The following ZNF652 variants were observed in gnomAD, a reference collection of about 807,000 sequenced individuals.
ZNF652 encodes the protein zinc finger protein 652.
In ZNF652, 16 loss-of-function variants were observed where a neutral mutation model predicts 45.2. The ratio of observed to expected loss-of-function variants is 0.35; its 90% CI spans 0.24 to 0.54. ZNF652 has a LOEUF of 0.54. ZNF652 is among the 20% of genes least tolerant of loss of function. ZNF652 has a pLI of 0.91. For synonymous variants in ZNF652, 250 were observed against 260.6 expected, an observed-to-expected ratio of 0.96 and a Z score of 0.39; for missense variants, 614 against 765.6, an observed-to-expected ratio of 0.80 and a Z score of 2.34.
chr17:49,361,004 G>A (rs748855358), intron 1 of ZNF652, among the ~76,000 whole-genome samples: 9 of 152,176 alleles, frequency 5.9e-5, no homozygotes, highest in Non-Finnish European at 1.0e-4. Flanking sequence ...CCCCGAAAAC[G>A]TGGATGTGGA....
At chr17:49,337,294 C>T (rs1260827543) in intron 1 of ZNF652, among the ~76,000 whole-genome samples, 1 of 148,744 alleles carries the variant, frequency 6.7e-6, no homozygotes, top group Admixed American at 6.8e-5. Context: ...TATGATCATG[C>T]TGCTGCCCTC....
chr17:49,308,047 A>C lies in ZNF652; in HGVS notation c.1309+3265T>G, dbSNP rs149365231. ...AAAGTATTGGTCTATATGTGTGTTA[A>C]GAAACTGAAGAATTTTTTTTAATGT... On this transcript the variant is annotated intron_variant, in intron 5 of 5. Transcript: ENST00000430262. Among the ~76,000 whole-genome samples, 24 of 152,330 alleles carry C rather than the reference A, an allele frequency of 1.6e-4. No homozygotes were observed. In the East Asian group the frequency reaches 4.6e-3, roughly 29 times the overall value.
Position 49,297,434 on chromosome 17 carries a change from G to A in ZNF652, c.*979C>T, listed in dbSNP as rs2069490885. 1 of 152,342 alleles carries A rather than the reference G, an allele frequency of 6.6e-6. No individual in the cohort carries two copies. The highest frequency in any genetic ancestry group is 2.1e-4 in the South Asian group (1 of 4,824). The allele number at this position is 152,342 out of a possible 1,614,324, so 9.4% of individuals were successfully genotyped here. ...GCTTTAGGTGACTTCCCTGGAAAAG[G>A]CCCCATCCCCTGCAAATCATTTCAT... On this transcript the variant is annotated 3_prime_UTR_variant, in exon 6 of 6. Coordinates refer to ENST00000430262, the MANE Select transcript of ZNF652 (RefSeq NM_001145365.3).
At chr17:49,339,823 T>C (rs1045021829) in intron 1 of ZNF652, among the ~76,000 whole-genome samples, 1 of 152,212 alleles carries the variant, frequency 6.6e-6, no homozygotes, top group Non-Finnish European at 1.5e-5. Flanking sequence ...CGAAGGCCGA[T>C]GTAAAAGCCA....
At chr17:49,302,718 T>G (rs1259450688) in intron 5 of ZNF652, among the ~76,000 whole-genome samples, 2 of 152,080 alleles carry the variant, frequency 1.3e-5, no homozygotes, top group African/African-American at 2.4e-5. Flanking sequence ...TCCCAGCACT[T>G]TAGGAGGCTG....
chr17:49,326,295 C>T (rs1244620054), intron 1 of ZNF652, among the ~76,000 whole-genome samples: 1 of 149,244 alleles, frequency 6.7e-6, no homozygotes, highest in Non-Finnish European at 1.5e-5. Flanking sequence ...GTGGATGTGG[C>T]TAGAGAACCT....
chr17:49,330,302 T>C (rs1335699231), intron 1 of ZNF652, among the ~76,000 whole-genome samples: 1 of 152,112 alleles, frequency 6.6e-6, no homozygotes, highest in Non-Finnish European at 1.5e-5. Context: ...TGGGCTATAT[T>C]ATTATTTTGA....
Position 49,296,009 on chromosome 17 carries a change from T to C in ZNF652, c.*2404A>G, listed in dbSNP as rs1405527918. ...ATTAACTAAGCACAGTTTACATCTT[T>C]TAAAAAAATCATTTTAATACTACAG... On this transcript the variant is annotated 3_prime_UTR_variant, in exon 6 of 6. Coordinates refer to ENST00000430262, the MANE Select transcript of ZNF652 (RefSeq NM_001145365.3). The C allele has an allele frequency of 6.7e-6, 1 of 149,926 alleles. No homozygotes were observed. The highest frequency in any genetic ancestry group is 1.9e-4 in the East Asian group (1 of 5,148). 9.3% of individuals were successfully genotyped at this position (149,926 alleles called of 1,614,324 possible). A position where few individuals can be genotyped will look rare whatever the true frequency, so the allele number is the denominator to read the frequency against.
chr17:49,350,603 A>C (rs1254757690), intron 1 of ZNF652, among the ~76,000 whole-genome samples: 1 of 151,852 alleles, frequency 6.6e-6, no homozygotes, highest in African/African-American at 2.4e-5. Flanking sequence ...TGTTATAATC[A>C]CTTCAATTAA....
Position 49,291,798 on chromosome 17 carries a change from A to G in ZNF652, c.*6615T>C, listed in dbSNP as rs1038780405. The G allele has an allele frequency of 6.6e-6, 1 of 152,242 alleles. No homozygotes were observed. The highest frequency in any genetic ancestry group is 2.4e-5 in the African/African-American group (1 of 41,464). The allele number at this position is 152,242 out of a possible 1,614,324, so 9.4% of individuals were successfully genotyped here. A position where few individuals can be genotyped will look rare whatever the true frequency, so the allele number is the denominator to read the frequency against. ...TAATGAGGAAGAAACATCATGGCAA[A>G]TCAAGTGAAAGGTAATTAACACAAC... is the stretch of plus-strand genomic sequence containing the variant. On this transcript the variant is annotated 3_prime_UTR_variant, in exon 6 of 6. Coordinates refer to ENST00000430262, the MANE Select transcript of ZNF652 (RefSeq NM_001145365.3).
intron 1 of ZNF652, among the ~76,000 whole-genome samples, chr17:49,359,713 G>T (rs945322321): frequency 2.0e-5 from 3 of 152,128 alleles, no homozygotes; most frequent in African/African-American, 4.8e-5. Flanking sequence ...TGATAGAATG[G>T]TGCAAAGTTC....
rs560633343 is a variant in ZNF652, at chr17:49,318,001, G to A, written c.-258-18C>T. 1.6e-5 allele frequency: 5 copies of A among 305,592 alleles called. No individual in the cohort carries two copies. The highest frequency in any genetic ancestry group is 4.7e-5 in the Admixed American group (1 of 21,362). 18.9% of individuals were successfully genotyped at this position (305,592 alleles called of 1,614,324 possible). On this transcript the variant is annotated intron_variant, in intron 1 of 5. Coordinates refer to ENST00000430262, the MANE Select transcript of ZNF652 (RefSeq NM_001145365.3). ...CATCTTATCTACAAAGAAAAGCAAA[G>A]AGGAAAAAAATCAGGTAATACCACT...
rs1451278546 is a variant in ZNF652 at position 49,289,996 on chromosome 17, G to A, written c.*8417C>T. On this transcript the variant is annotated 3_prime_UTR_variant, in exon 6 of 6. Coordinates refer to ENST00000430262, the MANE Select transcript of ZNF652 (RefSeq NM_001145365.3). ...ATTTTCTTAAGAAATGAGGAAAAGT[G>A]CAAGTGATCTCAGTACTGTTGGGGA... 1 of 152,248 alleles carries A rather than the reference G, an allele frequency of 6.6e-6. No homozygotes were observed. Among genetic ancestry groups the A allele is most frequent in the Non-Finnish European group, 1.5e-5 (1 of 68,046 alleles). The allele number at this position is 152,248 out of a possible 1,614,324, so 9.4% of individuals were successfully genotyped here. A position where few individuals can be genotyped will look rare whatever the true frequency, so the allele number is the denominator to read the frequency against.
intron 3 of ZNF652, 27 bp downstream of exon 3, chr17:49,312,665 TTATAGG>T (rs2069732920): frequency 6.9e-6 from 11 of 1,601,944 alleles, no homozygotes; most frequent in Non-Finnish European, 9.4e-6. Flanking sequence ...CAAGGGAAAA[TTATAGG>T]TATAAGAGAA....
At chr17:49,345,739 G>A (rs1335789142) in intron 1 of ZNF652, among the ~76,000 whole-genome samples, 1 of 151,100 alleles carries the variant, frequency 6.6e-6, no homozygotes, top group Non-Finnish European at 1.5e-5. Context: ...TACTCAGGAG[G>A]CTGAGGCAGG....
intron 2 of ZNF652, among the ~76,000 whole-genome samples, chr17:49,316,270 C>T (rs2069803456): frequency 2.0e-5 from 3 of 152,228 alleles, no homozygotes; most frequent in Non-Finnish European, 2.9e-5. Flanking sequence ...AGCTCAGCCT[C>T]TGCTTAAAGT....
At chr17:49,321,958 T>C (rs985836772) in intron 1 of ZNF652, among the ~76,000 whole-genome samples, 5 of 152,138 alleles carry the variant, frequency 3.3e-5, no homozygotes, top group Non-Finnish European at 7.4e-5. Flanking sequence ...CAGTTTATAA[T>C]CAAGAATAAA....
chr17:49,307,292 G>T (rs988571058), intron 5 of ZNF652, among the ~76,000 whole-genome samples: 1 of 151,108 alleles, frequency 6.6e-6, no homozygotes, highest in Non-Finnish European at 1.5e-5. Flanking sequence ...TTAGCTAGGC[G>T]TGGTGGCACA....
At chr17:49,307,436 A>G (rs1394924764) in intron 5 of ZNF652, among the ~76,000 whole-genome samples, 2 of 64,326 alleles carry the variant, frequency 3.1e-5, no homozygotes, top group Non-Finnish European at 6.3e-5. Context: ...GTCTCAAAAG[A>G]AAAAAAAAAA....
Sources: allele counts gnomAD v4.1 joint callset (sites outside exome capture counted in the v4.1 genomes callset), GRCh38; gene constraint gnomAD v4.1.1; transcripts MANE v1.5; gene names NCBI Gene and HGNC (gene_info 2026-07-23, HGNC 2026-07-21).